The following TMEM117 variants were observed in gnomAD, a reference collection of about 807,000 sequenced individuals.
The protein encoded by TMEM117 is transmembrane protein 117.
A neutral mutation model predicts 52.4 loss-of-function variants in TMEM117; 27 were observed. The observed-to-expected ratio is 0.51, with a 90% CI of 0.38 to 0.71. TMEM117 has a LOEUF of 0.71. TMEM117 is among the 30% of genes least tolerant of loss of function. The pLI, the probability that TMEM117 is intolerant of heterozygous loss-of-function variation, is 0.00. For missense variants in TMEM117, 556 were observed against 630.5 expected (o/e 0.88, Z 1.26); for synonymous variants, 215 against 206.3 (o/e 1.04, Z -0.36).
chr12:44,102,594 A>T (rs764166521), intron 3 of TMEM117, among the ~76,000 whole-genome samples: 4 of 151,230 alleles, frequency 2.6e-5, no homozygotes, highest in Non-Finnish European at 5.9e-5. Context: ...ATACTTTTTC[A>T]TTTGAGCTCC....
At chr12:43,810,415 C>A in the TMEM117 span, among the ~76,000 whole-genome samples, 1 of 152,124 alleles carries the variant, frequency 6.6e-6, no homozygotes. Context: ...GAGATATTAT[C>A]TCATACTGAG....
At chr12:44,013,230 A>G (rs908759485) in intron 3 of TMEM117, among the ~76,000 whole-genome samples, 2 of 152,026 alleles carry the variant, frequency 1.3e-5, no homozygotes, top group Non-Finnish European at 2.9e-5. Flanking sequence ...GGGTTTCGCC[A>G]TGTTGCCCAG....
chr12:43,917,069 C>G (rs1428886772), intron 2 of TMEM117, among the ~76,000 whole-genome samples: 1 of 151,134 alleles, frequency 6.6e-6, no homozygotes, highest in Non-Finnish European at 1.5e-5. Context: ...ATGCAGAGAT[C>G]AAATCTGATT....
intron 1 of TMEM117, among the ~76,000 whole-genome samples, chr12:43,838,228 C>T (rs1389731266): frequency 6.6e-6 from 1 of 151,810 alleles, no homozygotes; most frequent in Non-Finnish European, 1.5e-5. Flanking sequence ...GTACTCAGAC[C>T]TGTCATTACC....
intron 3 of TMEM117, among the ~76,000 whole-genome samples, chr12:44,051,201 C>A (rs1946965568): frequency 6.6e-6 from 1 of 152,028 alleles, no homozygotes; most frequent in African/African-American, 2.4e-5. Flanking sequence ...CCTGAGAGGA[C>A]CTTGTGGCCT....
At chr12:43,915,917 A>ACC (rs917471580) in intron 2 of TMEM117, among the ~76,000 whole-genome samples, 4 of 151,842 alleles carry the variant, frequency 2.6e-5, no homozygotes, top group African/African-American at 4.8e-5. Context: ...CAGCTTCAGC[A>ACC]CCCCCCTCAA....
intron 3 of TMEM117, among the ~76,000 whole-genome samples, chr12:44,114,337 G>C (rs1948096427): frequency 6.6e-6 from 1 of 152,134 alleles, no homozygotes; most frequent in Admixed American, 6.5e-5. Flanking sequence ...AACCAAAAAT[G>C]AGTGAATGGC....
chr12:44,356,466 C>T (rs1184619161), intron 6 of TMEM117, among the ~76,000 whole-genome samples: 1 of 152,062 alleles, frequency 6.6e-6, no homozygotes. Flanking sequence ...TTCCTTTGAA[C>T]TATTTTGTTC....
intron 6 of TMEM117, among the ~76,000 whole-genome samples, chr12:44,376,207 T>C (rs73090679): frequency 0.034 from 5,111 of 152,320 alleles, 101 homozygotes; most frequent in Middle Eastern, 0.13. Flanking sequence ...ATAAGGTTCA[T>C]ACTTTTTAAA....
chr12:43,951,961 G>C (rs1565766147), intron 3 of TMEM117, among the ~76,000 whole-genome samples: 1 of 152,182 alleles, frequency 6.6e-6, no homozygotes, highest in African/African-American at 2.4e-5. Flanking sequence ...AATCTTTGCT[G>C]TTCTGCAGCC....
At chr12:44,058,282 G>A (rs1006509450) in intron 3 of TMEM117, among the ~76,000 whole-genome samples, 1 of 152,066 alleles carries the variant, frequency 6.6e-6, no homozygotes, top group South Asian at 2.1e-4. Context: ...TATCACAAGG[G>A]ATAGTCAAAT....
At chr12:44,298,412 A>G (rs1950795396) in intron 5 of TMEM117, among the ~76,000 whole-genome samples, 1 of 146,234 alleles carries the variant, frequency 6.8e-6, no homozygotes, top group African/African-American at 2.8e-5. Context: ...TATTTCAAGT[A>G]ATTGTTTTTT....
chr12:44,008,033 T>A (rs2137799062), intron 3 of TMEM117, among the ~76,000 whole-genome samples: 1 of 152,288 alleles, frequency 6.6e-6, no homozygotes, highest in Non-Finnish European at 1.5e-5. Context: ...CCTTAGGCCC[T>A]GCAGCAGTAT....
At chr12:43,876,922 AATTT>A (rs1384703558) in intron 2 of TMEM117, among the ~76,000 whole-genome samples, 1 of 152,204 alleles carries the variant, frequency 6.6e-6, no homozygotes, top group Admixed American at 6.5e-5. Context: ...ACATGTAATT[AATTT>A]TTCTTATTTT....
At chr12:43,944,431 G>T in intron 3 of TMEM117, 89 bp downstream of exon 3, 3 of 1,232,472 alleles carry the variant, frequency 2.4e-6, no homozygotes, top group Non-Finnish European at 3.4e-6. Flanking sequence ...AGTAGTCTAA[G>T]TCTGCTTTAC....
chr12:44,064,643 T>C (rs1439726379), intron 3 of TMEM117, among the ~76,000 whole-genome samples: 1 of 152,202 alleles, frequency 6.6e-6, no homozygotes, highest in Non-Finnish European at 1.5e-5. Context: ...AAAAGCTTTC[T>C]CTCCTGAATG....
Position 44,299,734 on chromosome 12 carries a change from A to T in TMEM117, c.763A>T (p.Met255Leu), listed in dbSNP as rs773395795. 6.2e-7 allele frequency: 1 copy of T among 1,614,038 alleles called. No homozygotes were observed. ...CTTGGTCTTTGACCTTCTTATTGTG[A>T]TGCAGGTAAGTGTATTTCCCTCCCC... ...FILVFDLLIV[M>L]QDWEFPHFMG... The change falls in exon 6 of 8, where the codon ATG becomes TTG. Residue 255 changes from methionine to leucine, a missense_variant. Physicochemically the swap from Met to Leu is conservative, Grantham distance 15. Around this residue, in one of 3 missense-constraint regions of TMEM117, gnomAD observed 328 missense variants for 371.4 expected, o/e 0.88. Transcript: ENST00000266534.
the TMEM117 span, chr12:43,796,946 A>G: frequency 2.4e-5 from 39 of 1,601,904 alleles, no homozygotes; most frequent in Non-Finnish European, 3.3e-5. Flanking sequence ...AATTTAGCAA[A>G]AACTGAAGAT....
At chr12:44,315,824 A>G (rs1035945935) in intron 6 of TMEM117, among the ~76,000 whole-genome samples, 5 of 152,144 alleles carry the variant, frequency 3.3e-5, no homozygotes, top group African/African-American at 7.2e-5. Context: ...TCTTTTTCCT[A>G]TTTTATTATT....
Sources: gnomAD v4.1 joint callset for allele counts (sites outside exome capture counted in the v4.1 genomes callset) on GRCh38, gnomAD v4.1.1 for gene constraint, gnomAD v4.1.1 regional missense constraint, MANE v1.5 for transcripts, NCBI Gene and HGNC (gene_info 2026-07-23, HGNC 2026-07-21) for gene names.